Variants in HECTD4 observed in about 807,000 individuals in gnomAD.
HECTD4 encodes probable E3 ubiquitin-protein ligase HECTD4.
A neutral mutation model predicts 471.5 loss-of-function variants in HECTD4; 114 were observed. That is an observed-to-expected ratio of 0.24 (90% CI 0.21 to 0.28). The LOEUF (loss-of-function observed/expected upper bound fraction) is 0.28, where lower values mean the gene tolerates loss of function less well. Ranked by LOEUF, HECTD4 falls within the 10% of genes least tolerant of loss-of-function variation. HECTD4 has a pLI of 1.00. For synonymous variants in HECTD4, 2,012 were observed against 2,256.0 expected, an observed-to-expected ratio of 0.89 and a Z score of 3.07; for missense variants, 3,866 against 5,651.5, an observed-to-expected ratio of 0.68 and a Z score of 10.13.
At chr12:112,289,072 A>T (rs1014702241) in intron 7 of HECTD4, among the ~76,000 whole-genome samples, 3 of 152,186 alleles carry the variant, frequency 2.0e-5, no homozygotes, top group African/African-American at 2.4e-5. Flanking sequence ...GTTACATCAT[A>T]TTCCTAAATA....
chr12:112,229,848 T>C lies in HECTD4; in HGVS notation c.6369A>G (p.Gln2123=). Residue 2123 remains glutamine (Q), a synonymous_variant, in exon 41 of 76, where the codon CAA becomes CAG. Transcript: ENST00000682272. ...GAATGCTTTCTGCGTATTTCCCCAATTGTGGAATGTACATCAGTGCTCTAG... is the reference window on the plus strand; with the variant it reads ...GAATGCTTTCTGCGTATTTCCCCAACTGTGGAATGTACATCAGTGCTCTAG... ...VLSRALMYIP[Q]LGKYAESILE... 1 of 1,613,952 alleles carries C rather than the reference T, an allele frequency of 6.2e-7. No individual in the cohort carries two copies. Among genetic ancestry groups the C allele is most frequent in the Non-Finnish European group, 8.5e-7 (1 of 1,179,844 alleles).
intron 1 of HECTD4, among the ~76,000 whole-genome samples, chr12:112,340,469 A>C (rs1566117721): frequency 6.6e-6 from 1 of 152,162 alleles, no homozygotes; most frequent in African/African-American, 2.4e-5. Context: ...AGGAGGGAGA[A>C]ACTGTCTTCC....
chr12:112,162,848 G>A lies in HECTD4; in HGVS notation c.13120+194C>T. On this transcript the variant is annotated intron_variant, in intron 75 of 75. Coordinates refer to ENST00000682272, the MANE Select transcript of HECTD4 (RefSeq NM_001388303.1). This position sits in a 1 kb window ranked among gnomAD's most constrained non-coding sequence, Gnocchi z 5.2. Reference sequence around the variant, plus strand: ...ATTCTGGATTTTCAGCTTCTTTTAAGATATGAGAAAGTATCTAACAGCAGG... The same window carrying A: ...ATTCTGGATTTTCAGCTTCTTTTAAAATATGAGAAAGTATCTAACAGCAGG... 1 of 561,264 alleles carries A rather than the reference G, an allele frequency of 1.8e-6. No homozygotes were observed. Among genetic ancestry groups the A allele is most frequent in the East Asian group, 2.9e-5 (1 of 34,084 alleles). 34.8% of individuals were successfully genotyped at this position (561,264 alleles called of 1,614,324 possible).
At position 112,290,866 on chromosome 12, in the gene HECTD4, A is replaced by C. The variant is rs1369977631; in HGVS notation, c.1336-7564T>G. On this transcript the variant is annotated intron_variant, in intron 7 of 75. Transcript: ENST00000682272. ...TCCGTCTCAAAAAAAAACAAAACAAAAAAAAAAAACAAATCACAGATAGTT... is the reference window on the plus strand; with the variant it reads ...TCCGTCTCAAAAAAAAACAAAACAACAAAAAAAAACAAATCACAGATAGTT... 1.3e-4 allele frequency among the ~76,000 whole-genome samples: 19 copies of C among 149,678 alleles called. 1 individual carries two copies. Among genetic ancestry groups the C allele is most frequent in the South Asian group, 4.2e-4 (2 of 4,756 alleles).
rs1309518507 is a variant in HECTD4 at position 112,239,687 on chromosome 12, C to A, written c.5105+194G>T. Among the ~76,000 whole-genome samples the A allele has an allele frequency of 6.6e-6, 1 of 152,154 alleles. No homozygotes were observed. The highest frequency in any genetic ancestry group is 1.5e-5 in the Non-Finnish European group (1 of 68,026). Reference sequence around the variant, plus strand: ...CAATGTAATATAACCCTAATGGCTGCATTTAGTCATGTTGGAACTCAATAA... The same window carrying A: ...CAATGTAATATAACCCTAATGGCTGAATTTAGTCATGTTGGAACTCAATAA... On this transcript the variant is annotated intron_variant, in intron 33 of 75. Coordinates refer to ENST00000682272, the MANE Select transcript of HECTD4 (RefSeq NM_001388303.1). This position sits in a 1 kb window ranked among gnomAD's most constrained non-coding sequence, Gnocchi z 4.9.
At chr12:112,211,094 G>T (rs2032747351) in intron 49 of HECTD4, among the ~76,000 whole-genome samples, 1 of 152,184 alleles carries the variant, frequency 6.6e-6, no homozygotes, top group Non-Finnish European at 1.5e-5. Context: ...GCTCTTGCCT[G>T]TAATCCCAGC....
rs370805953 is a variant in HECTD4, at chr12:112,375,113, T to C, written c.177+6839A>G. On this transcript the variant is annotated intron_variant, in intron 1 of 75. Transcript: ENST00000682272. ...CCTGCCTCTATCCCCAGGTAACCAC[T>C]ACAGATTAGTCTGCATTTCTAGAAT... Among the ~76,000 whole-genome samples, 12 of 152,324 alleles carry C rather than the reference T, an allele frequency of 7.9e-5. No homozygotes were observed. In the East Asian group the frequency reaches 9.6e-4, roughly 12 times the overall value.
At chr12:112,357,347 T>C (rs1317699319) in intron 1 of HECTD4, among the ~76,000 whole-genome samples, 1 of 152,032 alleles carries the variant, frequency 6.6e-6, no homozygotes, top group Admixed American at 6.6e-5. Context: ...AGTGAGGAGA[T>C]GTAGCTCAGT....
At chr12:112,268,215 G>A (rs1215685384) in intron 13 of HECTD4, among the ~76,000 whole-genome samples, 5 of 152,136 alleles carry the variant, frequency 3.3e-5, no homozygotes, top group East Asian at 1.9e-4. Context: ...ATACACCAAT[G>A]AAACCATCAC....
intron 4 of HECTD4, 50 bp downstream of exon 4, chr12:112,312,967 T>C: frequency 6.7e-7 from 1 of 1,491,286 alleles, no homozygotes; most frequent in East Asian, 2.5e-5. Context: ...ATCTAAAACC[T>C]CTTTATTTAC....
intron 1 of HECTD4, among the ~76,000 whole-genome samples, chr12:112,362,745 C>T (rs2036476188): frequency 6.6e-6 from 1 of 151,366 alleles, no homozygotes; most frequent in South Asian, 2.1e-4. Flanking sequence ...ATTCTGTCAA[C>T]CAGGCTGGAG....
At chr12:112,172,449 C>T (rs1566059769) in intron 67 of HECTD4, among the ~76,000 whole-genome samples, 2 of 152,238 alleles carry the variant, frequency 1.3e-5, no homozygotes, top group African/African-American at 4.8e-5. Flanking sequence ...TTGTCACTGG[C>T]ATTAAAAAAG....
At chr12:112,313,484 T>G in intron 3 of HECTD4, among the ~76,000 whole-genome samples, 2 of 136,724 alleles carry the variant, frequency 1.5e-5, no homozygotes, top group South Asian at 5.2e-4. Flanking sequence ...CCGGCTAATT[T>G]TTTTTTTTTT....
chr12:112,346,722 G>C (rs2036158340), intron 1 of HECTD4, among the ~76,000 whole-genome samples: 1 of 152,148 alleles, frequency 6.6e-6, no homozygotes, highest in Non-Finnish European at 1.5e-5. Context: ...CAGTTGCTCT[G>C]AGAGTCATAT....
chr12:112,323,968 T>C (rs949232910), intron 1 of HECTD4, among the ~76,000 whole-genome samples: 3 of 27,520 alleles, frequency 1.1e-4, no homozygotes, highest in African/African-American at 3.9e-4. Flanking sequence ...CTTTCTTTCT[T>C]CCTTCCTTCC....
rs1471706270 is a variant in HECTD4, at chr12:112,190,381, A to G, written c.9472+405T>C. ...AAAATGCACAACTTTTACATTTATC[A>G]TTCCATGAGTTTTGCAACCTTTTTG... On this transcript the variant is annotated intron_variant, in intron 60 of 75. Coordinates refer to ENST00000682272, the MANE Select transcript of HECTD4 (RefSeq NM_001388303.1). 3.3e-5 allele frequency among the ~76,000 whole-genome samples: 5 copies of G among 152,354 alleles called. No homozygotes were observed. The East Asian group carries it at 7.7e-4, about 23-fold the overall frequency.
intron 2 of HECTD4, among the ~76,000 whole-genome samples, chr12:112,318,221 T>A (rs1594039169): frequency 1.3e-5 from 2 of 151,554 alleles, no homozygotes; most frequent in African/African-American, 2.4e-5. Context: ...GCCAAGATCA[T>A]GCCACTGCAC....
At position 112,185,385 on chromosome 12, in the gene HECTD4, G is replaced by T; in HGVS notation, c.9581C>A (p.Pro3194His). The T allele has an allele frequency of 6.2e-7, 1 of 1,612,268 alleles. No homozygotes were observed. Among genetic ancestry groups the T allele is most frequent in the Non-Finnish European group, 8.5e-7 (1 of 1,179,488 alleles). ...GGCGATTGAGGAGGACAGGCCAGCG[G>T]GGTGCCGCCTCTGCTCCAGGGTGTG... ...TVHTLEQRRHPAGLSSSIALQ... is the reference protein window; with the variant it reads ...TVHTLEQRRHHAGLSSSIALQ... Residue 3194 changes from proline to histidine, a missense_variant, in exon 61 of 76, where the codon CCC becomes CAC. This residue lies in a region of HECTD4 where 364 missense variants were observed against 413.2 expected (regional missense o/e 0.88). Coordinates refer to ENST00000682272, the MANE Select transcript of HECTD4 (RefSeq NM_001388303.1).
At chr12:112,298,786 G>C (rs2035098354) in intron 7 of HECTD4, among the ~76,000 whole-genome samples, 1 of 151,724 alleles carries the variant, frequency 6.6e-6, no homozygotes, top group African/African-American at 2.4e-5. Context: ...GGAGGCTGAG[G>C]CGGGAGAATC....
Sources: allele counts gnomAD v4.1 joint callset (sites outside exome capture counted in the v4.1 genomes callset), GRCh38; gene constraint gnomAD v4.1.1; regional missense constraint gnomAD v4.1.1; non-coding constraint Gnocchi (gnomAD v3.1); transcripts MANE v1.5; gene names NCBI Gene and HGNC (gene_info 2026-07-23, HGNC 2026-07-21).